Variants in IL1RAPL1 observed in about 807,000 individuals in gnomAD.
The protein encoded by IL1RAPL1 is interleukin 1 receptor accessory protein like 1.
Under a neutral mutation model 48.4 loss-of-function variants are expected in IL1RAPL1, and 3 were observed. The ratio of observed to expected loss-of-function variants is 0.06; its 90% CI spans 0.03 to 0.16. The LOEUF (loss-of-function observed/expected upper bound fraction) is 0.16, where lower values mean the gene tolerates loss of function less well. Ranked by LOEUF, IL1RAPL1 falls within the 10% of genes least tolerant of loss-of-function variation. The pLI is 1.00. For missense variants in IL1RAPL1, 349 were observed against 530.6 expected, an observed-to-expected ratio of 0.66 and a Z score of 3.36; for synonymous variants, 185 against 187.7, an observed-to-expected ratio of 0.99 and a Z score of 0.12.
intron 3 of IL1RAPL1, among the ~76,000 whole-genome samples, chrX:29,343,835 T>G (rs1015928): frequency 0.35 from 39,082 of 110,441 alleles, 6,126 homozygotes; most frequent in Middle Eastern, 0.56. Context: ...CTCTTCTTAA[T>G]TAGCTTTCAC....
chrX:28,971,876 TTGTGTGTGTGTGTGTGTGTG>T (rs3066657), intron 2 of IL1RAPL1, among the ~76,000 whole-genome samples: 1 of 84,480 alleles, frequency 1.2e-5, no homozygotes, highest in East Asian at 4.1e-4. Flanking sequence ...ACTCTGAAAA[TTGTGTGTGTGTGTGTGTGTG>T]TGTGTGTGTG....
chrX:29,831,677 G>A (rs1040704343), intron 6 of IL1RAPL1, among the ~76,000 whole-genome samples: 4 of 111,646 alleles, frequency 3.6e-5, no homozygotes, highest in Non-Finnish European at 7.5e-5. Context: ...TAGCTTGTTA[G>A]CAAAAGTATA....
intron 3 of IL1RAPL1, among the ~76,000 whole-genome samples, chrX:29,324,572 G>C (rs1351703449): frequency 3.6e-5 from 4 of 111,866 alleles, no homozygotes; most frequent in Non-Finnish European, 7.5e-5. Context: ...CAACAGGTAA[G>C]TTAGAGAATT....
intron 2 of IL1RAPL1, among the ~76,000 whole-genome samples, chrX:29,174,068 G>A (rs1225595182): frequency 9.1e-6 from 1 of 110,244 alleles, no homozygotes; most frequent in Non-Finnish European, 1.9e-5. Context: ...TTACAGGCAT[G>A]AGCCAGCCAC....
At chrX:29,842,339 T>A (rs1287721843) in intron 6 of IL1RAPL1, among the ~76,000 whole-genome samples, 4 of 112,411 alleles carry the variant, frequency 3.6e-5, no homozygotes, top group Non-Finnish European at 7.5e-5. Context: ...AACTCTTTTC[T>A]GCACAGGTGA....
At chrX:29,105,965 C>G (rs1208407749) in intron 2 of IL1RAPL1, among the ~76,000 whole-genome samples, 1 of 111,920 alleles carries the variant, frequency 8.9e-6, no homozygotes, top group South Asian at 3.7e-4. Flanking sequence ...TACCTTCTAC[C>G]TAGAATATGT....
chrX:29,782,988 T>A (rs1929390057), intron 6 of IL1RAPL1, among the ~76,000 whole-genome samples: 1 of 85,966 alleles, frequency 1.2e-5, no homozygotes, highest in Non-Finnish European at 2.1e-5. Context: ...CACTGCAAGC[T>A]CCGCCTCCCG....
chrX:28,759,637 A>T (rs968448494), intron 1 of IL1RAPL1, among the ~76,000 whole-genome samples: 1 of 112,081 alleles, frequency 8.9e-6, no homozygotes, highest in African/African-American at 3.2e-5. Context: ...GTATTTTAGG[A>T]TAATCACATT....
At chrX:28,713,907 A>G (rs1018371216) in intron 1 of IL1RAPL1, among the ~76,000 whole-genome samples, 17 of 111,850 alleles carry the variant, frequency 1.5e-4, no homozygotes, top group Admixed American at 3.8e-4. Flanking sequence ...TAAAGTTTCA[A>G]CTTCTAAGAA....
chrX:29,664,339 G>A (rs928387578), intron 5 of IL1RAPL1, among the ~76,000 whole-genome samples: 2 of 105,344 alleles, frequency 1.9e-5, no homozygotes, highest in Non-Finnish European at 3.9e-5. Context: ...AGGAGGCAGA[G>A]CTTGCAGTGA....
chrX:29,662,842 CA>C (rs1925887194), intron 5 of IL1RAPL1, among the ~76,000 whole-genome samples: 1 of 111,769 alleles, frequency 8.9e-6, no homozygotes, highest in East Asian at 2.8e-4. Flanking sequence ...GTTGCTTAGT[CA>C]CTCCTCACTC....
chrX:28,977,827 C>T (rs1925241398), intron 2 of IL1RAPL1, among the ~76,000 whole-genome samples: 1 of 111,556 alleles, frequency 9.0e-6, no homozygotes, highest in Non-Finnish European at 1.9e-5. Context: ...CATGGTGATG[C>T]GTGCCTGTAA....
At chrX:28,712,138 A>G (rs1419617948) in intron 1 of IL1RAPL1, among the ~76,000 whole-genome samples, 9 of 111,093 alleles carry the variant, frequency 8.1e-5, no homozygotes, top group Middle Eastern at 4.7e-3. Context: ...GTGGTTAAGT[A>G]TGGGCTAGCA....
rs779836059 is a variant in IL1RAPL1, at chrX:29,164,892, T to C, written c.83-118046T>C. Among the ~76,000 whole-genome samples, 5 of 111,956 alleles carry C rather than the reference T, an allele frequency of 4.5e-5. No homozygotes were observed. In the Admixed American group the frequency reaches 4.8e-4, roughly 11 times the overall value. On this transcript the variant is annotated intron_variant, in intron 2 of 10. Transcript: ENST00000378993. Reference sequence around the variant, plus strand: ...GGTATTTTGTTACTATCCTCTGTAATATAATGTGGGAATCTTTGTCCGTGA... The same window carrying C: ...GGTATTTTGTTACTATCCTCTGTAACATAATGTGGGAATCTTTGTCCGTGA...
intron 8 of IL1RAPL1, among the ~76,000 whole-genome samples, chrX:29,937,748 TA>T (rs1933055807): frequency 8.9e-6 from 1 of 111,770 alleles, no homozygotes; most frequent in Non-Finnish European, 1.9e-5. Context: ...GACCTCTTTA[TA>T]AGGACATTAT....
chrX:29,572,366 G>A (rs766622337), intron 5 of IL1RAPL1, among the ~76,000 whole-genome samples: 1 of 112,021 alleles, frequency 8.9e-6, no homozygotes, highest in Admixed American at 9.5e-5. Flanking sequence ...ACTCTCCAAA[G>A]TCATTTTCTG....
At chrX:29,833,407 C>T (rs192775173) in intron 6 of IL1RAPL1, among the ~76,000 whole-genome samples, 242 of 110,510 alleles carry the variant, frequency 2.2e-3, no homozygotes, top group African/African-American at 7.5e-3. Context: ...TTTTTAACCA[C>T]GGTGTTGAAA....
intron 6 of IL1RAPL1, among the ~76,000 whole-genome samples, chrX:29,681,300 G>A (rs1040743848): frequency 3.6e-5 from 4 of 112,242 alleles, no homozygotes; most frequent in Admixed American, 2.8e-4. Flanking sequence ...ATATGAATCT[G>A]TTCCATCATA....
chrX:29,801,267 T>G (rs187606826), intron 6 of IL1RAPL1, among the ~76,000 whole-genome samples: 1 of 110,386 alleles, frequency 9.1e-6, no homozygotes, highest in Admixed American at 9.8e-5. Flanking sequence ...ATAGGGACTA[T>G]TAACACAATT....
Sources: gnomAD v4.1 joint callset for allele counts (sites outside exome capture counted in the v4.1 genomes callset) on GRCh38, gnomAD v4.1.1 for gene constraint, MANE v1.5 for transcripts, NCBI Gene and HGNC (gene_info 2026-07-23, HGNC 2026-07-21) for gene names.